The following PLEKHA6 variants were observed in gnomAD, a reference collection of about 807,000 sequenced individuals.
PLEKHA6 encodes the protein pleckstrin homology domain containing A6, also known as pleckstrin homology domain-containing family A member 6.
Under a neutral mutation model 116.7 loss-of-function variants are expected in PLEKHA6, and 60 were observed. That is an observed-to-expected ratio of 0.51 (90% CI 0.42 to 0.64). The LOEUF (loss-of-function observed/expected upper bound fraction) is 0.64, where lower values mean the gene tolerates loss of function less well. PLEKHA6 is among the 30% of genes least tolerant of loss of function. The pLI, the probability that PLEKHA6 is intolerant of heterozygous loss-of-function variation, is 0.00. For missense variants in PLEKHA6, 1,338 were observed against 1,422.7 expected, an observed-to-expected ratio of 0.94 and a Z score of 0.96; for synonymous variants, 489 against 556.1, an observed-to-expected ratio of 0.88 and a Z score of 1.70.
At chr1:204,364,719 G>A (rs1673618503), upstream of PLEKHA6, among the ~76,000 whole-genome samples, 1 of 152,296 alleles carries the variant, frequency 6.6e-6, no homozygotes, top group South Asian at 2.1e-4. Flanking sequence ...CCCTTGATGA[G>A]TTTTCAGTCT....
At chr1:204,326,790 A>C (rs1361898569) in intron 1 of PLEKHA6, among the ~76,000 whole-genome samples, 10 of 152,118 alleles carry the variant, frequency 6.6e-5, no homozygotes, top group Non-Finnish European at 1.5e-4. Context: ...ATATTTTATG[A>C]GTGCCTTCTG....
chr1:204,246,227 C>T (rs1663655772), intron 13 of PLEKHA6, among the ~76,000 whole-genome samples: 1 of 152,202 alleles, frequency 6.6e-6, no homozygotes, highest in African/African-American at 2.4e-5. Context: ...CAGCACCAGG[C>T]ACTATGCTAA....
intron 1 of PLEKHA6, among the ~76,000 whole-genome samples, chr1:204,374,242 G>T (rs944626111): frequency 2.6e-5 from 4 of 152,126 alleles, no homozygotes; most frequent in Non-Finnish European, 5.9e-5. Context: ...ACTGGGCCTC[G>T]AAGAACTGGG....
chr1:204,320,676 A>G (rs948808182), intron 1 of PLEKHA6: 1 of 153,256 alleles, frequency 6.5e-6, no homozygotes, highest in Non-Finnish European at 1.4e-5. Context: ...CTCTCCCCAC[A>G]TGGCTATTGC....
In PLEKHA6 at chr1:204,222,019, G is replaced by GCTCT. The variant is rs1659688444; in HGVS notation, c.*768_*769insAGAG. ...TGCTTCCCCCTCCTTCCACTCTGAG[G>GCTCT]ATCTCTCTCTCTCTCTCTCTCTCTC... On this transcript the variant is annotated 3_prime_UTR_variant, in exon 23 of 23. Transcript: ENST00000272203. 1 of 29,976 alleles carries GCTCT rather than the reference G, an allele frequency of 3.3e-5. No individual in the cohort carries two copies. Among genetic ancestry groups the GCTCT allele is most frequent in the Non-Finnish European group, 7.0e-5 (1 of 14,188 alleles). 1.9% of individuals were successfully genotyped at this position (29,976 alleles called of 1,614,324 possible).
intron 21 of PLEKHA6, among the ~76,000 whole-genome samples, chr1:204,227,369 C>T (rs1365302479): frequency 6.6e-6 from 1 of 152,200 alleles, no homozygotes; most frequent in African/African-American, 2.4e-5. Context: ...TCTCTCCTCT[C>T]CCTTTAACCC....
At chr1:204,235,324 A>G (rs1661883517) in intron 17 of PLEKHA6, among the ~76,000 whole-genome samples, 5 of 152,166 alleles carry the variant, frequency 3.3e-5, no homozygotes, top group Admixed American at 2.0e-4. Context: ...CAAGGAGTTT[A>G]GTGACTACAT....
At chr1:204,297,835 G>C (rs1256424727) in intron 1 of PLEKHA6, 2 of 935,384 alleles carry the variant, frequency 2.1e-6, no homozygotes, top group Non-Finnish European at 2.5e-6. Context: ...AAGGATTTAG[G>C]GTTCTTTGCA....
chr1:204,260,094 G>A (rs1212964984), intron 7 of PLEKHA6, among the ~76,000 whole-genome samples: 4 of 152,122 alleles, frequency 2.6e-5, no homozygotes, highest in African/African-American at 9.7e-5. Context: ...TCCTCTCTGC[G>A]ATCTATCCCT....
At chr1:204,343,475 G>A (rs551368915) in intron 1 of PLEKHA6, among the ~76,000 whole-genome samples, 23 of 152,252 alleles carry the variant, frequency 1.5e-4, no homozygotes, top group African/African-American at 5.1e-4. Context: ...CTGGTGAGTG[G>A]GAAGCCAAGT....
At chr1:204,278,732 C>T (rs1668281004) in intron 1 of PLEKHA6, among the ~76,000 whole-genome samples, 1 of 152,232 alleles carries the variant, frequency 6.6e-6, no homozygotes, top group Non-Finnish European at 1.5e-5. Context: ...ATCCTGGTGA[C>T]AGGAGGCCTC....
At chr1:204,303,854 T>C (rs1472686453) in intron 1 of PLEKHA6, among the ~76,000 whole-genome samples, 4 of 152,080 alleles carry the variant, frequency 2.6e-5, no homozygotes, top group African/African-American at 9.7e-5. Context: ...GCTGGGACTG[T>C]AGGCGTGTGT....
chr1:204,335,696 G>A (rs117075870), intron 1 of PLEKHA6, among the ~76,000 whole-genome samples: 1 of 152,184 alleles, frequency 6.6e-6, no homozygotes, highest in East Asian at 1.9e-4. Flanking sequence ...CAGACAAGGA[G>A]TCATGTCATT....
rs561724980 is a variant in PLEKHA6 at position 204,273,703 on chromosome 1, G to A, written c.25C>T (p.Arg9Cys). 2.9e-5 allele frequency: 46 copies of A among 1,614,028 alleles called. No homozygotes were observed. Among genetic ancestry groups the A allele is most frequent in the South Asian group, 2.5e-4 (23 of 91,082 alleles). MSNKTGGK[R>C]PATTNSDIPN... ...ATGTCACTGTTGGTGGTAGCCGGGC[G>A]TTTCCCACCTGTTTTATTGGACATG... The change falls in exon 3 of 23, where the codon CGC becomes TGC. Residue 9 changes from arginine (R) to cysteine (C), a missense_variant. This residue lies in a region of PLEKHA6 where 62 missense variants were observed against 61.7 expected (regional missense o/e 1.01). Transcript: ENST00000272203.
chr1:204,371,053 C>CAAAAAAAAAAAAAAAAAAAAAAAAA (rs34493461), intron 2 of PLEKHA6, among the ~76,000 whole-genome samples: 9 of 68,484 alleles, frequency 1.3e-4, no homozygotes, highest in African/African-American at 5.3e-4. Flanking sequence ...GACTCTGCCT[C>CAAAAAAAAAAAAAAAAAAAAAAAAA]AAAAAAAAAA....
At chr1:204,309,603 T>A (rs1418437858) in intron 1 of PLEKHA6, 1 of 292,742 alleles carries the variant, frequency 3.4e-6, no homozygotes, top group African/African-American at 2.3e-5. Flanking sequence ...TACACTGTCA[T>A]GTTCGCATGA....
Position 204,273,650 on chromosome 1 carries a change from G to A in PLEKHA6, c.78C>T (p.Val26=), listed in dbSNP as rs35170315. ...DIPNHNMVSE[V]PPERPSVRAT... The stretch of plus-strand genomic sequence containing the variant: ...CCCGGACGCTGGGCCGCTCTGGAGG[G>A]ACCTCGGACACCATGTTGTGGTTGG... Residue 26 remains valine, a synonymous_variant, in exon 3 of 23, where the codon GTC becomes GTT. Coordinates refer to ENST00000272203, the MANE Select transcript of PLEKHA6 (RefSeq NM_014935.5). 817 of 1,614,066 alleles carry A rather than the reference G, an allele frequency of 5.1e-4. 2 individuals carry two copies. In the African/African-American group the frequency reaches 9.5e-3, roughly 19 times the overall value.
intron 17 of PLEKHA6, among the ~76,000 whole-genome samples, chr1:204,233,059 T>A (rs572235151): frequency 1.5e-3 from 232 of 152,242 alleles, no homozygotes; most frequent in Non-Finnish European, 2.4e-3. Context: ...TGCCTCAGCC[T>A]CCCAAAGTGC....
At chr1:204,345,876 A>G (rs1314775128) in intron 1 of PLEKHA6, among the ~76,000 whole-genome samples, 1 of 151,776 alleles carries the variant, frequency 6.6e-6, no homozygotes. Flanking sequence ...CCAACTTCCC[A>G]GTCGCTCTCC....
Sources: gnomAD v4.1 joint callset for allele counts (sites outside exome capture counted in the v4.1 genomes callset) on GRCh38, gnomAD v4.1.1 for gene constraint, gnomAD v4.1.1 regional missense constraint, MANE v1.5 for transcripts, NCBI Gene and HGNC (gene_info 2026-07-23, HGNC 2026-07-21) for gene names.